The following LCA5 variants were observed in gnomAD, a reference collection of about 807,000 sequenced individuals.
LCA5 encodes the protein lebercilin LCA5, also known as lebercilin.
A neutral mutation model predicts 53.0 loss-of-function variants in LCA5; 37 were observed. That is an observed-to-expected ratio of 0.70 (90% CI 0.54 to 0.92). The LOEUF (loss-of-function observed/expected upper bound fraction) is 0.92. Among genes scored for constraint, LCA5 ranks in the 40% least tolerant of loss-of-function variants. LCA5 has a pLI of 0.00. For synonymous variants in LCA5, 303 were observed against 282.9 expected (o/e 1.07, Z -0.71); for missense variants, 806 against 790.5 (o/e 1.02, Z -0.23).
intron 3 of LCA5, among the ~76,000 whole-genome samples, chr6:79,496,479 T>A (rs964900407): frequency 3.9e-5 from 6 of 152,172 alleles, no homozygotes; most frequent in African/African-American, 1.4e-4. Flanking sequence ...ATGTATACAA[T>A]AAGGGTAATT....
chr6:79,526,248 A>G (rs1766783833), intron 1 of LCA5, among the ~76,000 whole-genome samples: 1 of 152,188 alleles, frequency 6.6e-6, no homozygotes, highest in Non-Finnish European at 1.5e-5. Context: ...AAATAATATT[A>G]AAACAAATTT....
chr6:79,498,510 CAAGACCCAGT>C (rs1770044477), intron 3 of LCA5, among the ~76,000 whole-genome samples: 1 of 152,014 alleles, frequency 6.6e-6, no homozygotes, highest in African/African-American at 2.4e-5. Flanking sequence ...TGGAATCCAG[CAAGACCCAGT>C]AAAATTATCA....
At chr6:79,491,783 T>C (rs1263043256) in intron 5 of LCA5, 53 bp from the exon 6 acceptor site, 13 of 1,515,288 alleles carry the variant, frequency 8.6e-6, no homozygotes, top group Admixed American at 5.0e-5. Context: ...TGCTAAAATA[T>C]ATGGAATTCA....
At position 79,487,306 on chromosome 6, in the gene LCA5, T is replaced by C. The variant is rs751515581; in HGVS notation, c.1792A>G (p.Lys598Glu). The C allele has an allele frequency of 1.2e-6, 2 of 1,613,834 alleles. No homozygotes were observed. The highest frequency in any genetic ancestry group is 2.2e-5 in the East Asian group (1 of 44,866). The change falls in exon 8 of 8, where the codon AAA becomes GAA. Residue 598 changes from lysine (K) to glutamate (E), a missense_variant. Lys to Glu is a moderately conservative substitution (Grantham distance 56, BLOSUM62 1). Transcript: ENST00000369846. ...TCCATCAAATTAGCTTTTTTCTCTTTTCTTGTAATTAAATCTACACCATCT... is the reference window on the plus strand; with the variant it reads ...TCCATCAAATTAGCTTTTTTCTCTTCTCTTGTAATTAAATCTACACCATCT... The part of the protein sequence containing the change: ...SKDGVDLITR[K>E]EKKANLMEQL...
At chr6:79,488,325 A>G (rs1206593894) in intron 7 of LCA5, 2 of 160,178 alleles carry the variant, frequency 1.2e-5, no homozygotes, top group Non-Finnish European at 2.7e-5. Context: ...AGAACATTCT[A>G]TTTTTAAAAA....
intron 3 of LCA5, 30 bp from the exon 4 acceptor site, chr6:79,493,780 C>T (rs1271488863): frequency 6.4e-7 from 1 of 1,571,140 alleles, no homozygotes; most frequent in African/African-American, 1.4e-5. Context: ...AAAAGCAGTC[C>T]TTTAAAAAAA....
Position 79,518,779 on chromosome 6 carries a change from A to C in LCA5, c.116T>G (p.Val39Gly), listed in dbSNP as rs747007866. ...TPQSSGRSSL[V>G]SSSPASVRRK... ...CCTAACACTTGCAGGTGAAGAACTG[A>C]CCAGCGATGATCGGCCAGAAGACTG... Residue 39 changes from valine (V) to glycine (G), a missense_variant, in exon 2 of 8, where the codon GTC (valine) becomes GGC (glycine). By Grantham distance (109) the Val-to-Gly change is moderately radical (BLOSUM62 -3). Coordinates refer to ENST00000369846, the MANE Select transcript of LCA5 (RefSeq NM_001122769.3). 1.9e-6 allele frequency: 3 copies of C among 1,614,148 alleles called. No individual in the cohort carries two copies. Among genetic ancestry groups the C allele is most frequent in the Non-Finnish European group, 8.5e-7 (1 of 1,180,006 alleles).
At chr6:79,518,614 T>C in intron 2 of LCA5, 91 bp downstream of exon 2, 5 of 1,158,134 alleles carry the variant, frequency 4.3e-6, no homozygotes, top group East Asian at 4.7e-5. Flanking sequence ...ACAACATATA[T>C]ACTAATAAAA....
At chr6:79,530,109 A>AATAT (rs889770370) in intron 1 of LCA5, among the ~76,000 whole-genome samples, 4 of 151,872 alleles carry the variant, frequency 2.6e-5, no homozygotes, top group African/African-American at 4.8e-5. Context: ...GTATAATAAA[A>AATAT]ATATATATAT....
intron 3 of LCA5, among the ~76,000 whole-genome samples, chr6:79,510,111 G>A (rs943975752): frequency 6.6e-6 from 1 of 152,108 alleles, no homozygotes. Flanking sequence ...GGTTTATTAT[G>A]GATGCTGTAG....
chr6:79,513,185 T>G, intron 3 of LCA5, 27 bp downstream of exon 3: 1 of 1,601,700 alleles, frequency 6.2e-7, no homozygotes, highest in African/African-American at 1.3e-5. Flanking sequence ...CCCAAGAAAG[T>G]ACAATTAGAA....
chr6:79,524,374 G>A (rs1202812099), intron 1 of LCA5, among the ~76,000 whole-genome samples: 1 of 152,108 alleles, frequency 6.6e-6, no homozygotes, highest in Non-Finnish European at 1.5e-5. Flanking sequence ...CTAAGTCCTT[G>A]CATGCCTGAG....
chr6:79,518,029 A>G (rs1766495837), intron 2 of LCA5, among the ~76,000 whole-genome samples: 1 of 152,176 alleles, frequency 6.6e-6, no homozygotes. Context: ...TAAACCTTAC[A>G]TATTTTGTTA....
chr6:79,497,600 T>C (rs1295938328), intron 3 of LCA5, among the ~76,000 whole-genome samples: 1 of 152,104 alleles, frequency 6.6e-6, no homozygotes, highest in Non-Finnish European at 1.5e-5. Flanking sequence ...ATGGTCCAGA[T>C]AAAAGGAGGC....
chr6:79,526,818 G>C (rs1766803868), intron 1 of LCA5, among the ~76,000 whole-genome samples: 1 of 152,208 alleles, frequency 6.6e-6, no homozygotes, highest in South Asian at 2.1e-4. Context: ...CTTAGGATTA[G>C]AACAGCCCCA....
intron 1 of LCA5, among the ~76,000 whole-genome samples, chr6:79,531,067 A>G (rs185911384): frequency 8.3e-4 from 126 of 152,282 alleles, no homozygotes; most frequent in African/African-American, 2.9e-3. Context: ...AACTTACCCA[A>G]GTTCACAACT....
At chr6:79,506,267 A>T (rs1484361496) in intron 3 of LCA5, among the ~76,000 whole-genome samples, 1 of 152,172 alleles carries the variant, frequency 6.6e-6, no homozygotes, top group Non-Finnish European at 1.5e-5. Context: ...AAAGAGTTGA[A>T]TTTTTATATG....
intron 3 of LCA5, among the ~76,000 whole-genome samples, chr6:79,505,146 T>C (rs1050474246): frequency 9.9e-5 from 15 of 152,180 alleles, no homozygotes; most frequent in African/African-American, 3.4e-4. Context: ...TTATCTTAGA[T>C]ATTAACACAA....
rs576216675 is a variant in LCA5, at chr6:79,513,187, C to T, written c.720+25G>A. ...CAATGAGAAACATCCCAAGAAAGTA[C>T]AATTAGAAGCTGTAGAAATTGTACC... On this transcript the variant is annotated intron_variant, in intron 3 of 7. Coordinates refer to ENST00000369846, the MANE Select transcript of LCA5 (RefSeq NM_001122769.3). The T allele has an allele frequency of 1.9e-6, 3 of 1,602,634 alleles. No homozygotes were observed. In the South Asian group the frequency reaches 3.3e-5, roughly 18 times the overall value.
Sources: gnomAD v4.1 joint callset for allele counts (sites outside exome capture counted in the v4.1 genomes callset) on GRCh38, gnomAD v4.1.1 for gene constraint, MANE v1.5 for transcripts, NCBI Gene and HGNC (gene_info 2026-07-23, HGNC 2026-07-21) for gene names.